MSANTD4: variants seen among roughly 807,000 people sequenced by gnomAD.
MSANTD4 encodes myb/SANT-like DNA-binding domain-containing protein 4.
MSANTD4 carries 13 observed loss-of-function variants against 34.3 expected under a neutral mutation model. The observed-to-expected ratio is 0.38, with a 90% CI of 0.25 to 0.60. The LOEUF is 0.60. MSANTD4 is among the 20% of genes least tolerant of loss of function. The probability of loss-of-function intolerance (pLI) is 0.63; values close to 1 mark genes in which losing one functional copy is unlikely to be tolerated. For missense variants in MSANTD4, 358 were observed against 401.8 expected (o/e 0.89, Z 0.93); for synonymous variants, 137 against 145.2 (o/e 0.94, Z 0.41).
At position 106,008,339 on chromosome 11, in the gene MSANTD4, T is replaced by C. The variant is rs767242315; in HGVS notation, c.*1196A>G. On this transcript the variant is annotated 3_prime_UTR_variant, in exon 3 of 3. Transcript: ENST00000301919. ...GGGAAGGACAAAATATACTACAATA[T>C]AGAAGATCAGCCATTTACTCTGTGT... 3.3e-5 allele frequency: 5 copies of C among 152,274 alleles called. No homozygotes were observed. The highest frequency in any genetic ancestry group is 1.3e-4 in the Admixed American group (2 of 15,274). 9.4% of individuals were successfully genotyped at this position (152,274 alleles called of 1,614,324 possible).
chr11:106,010,631 A>C lies in MSANTD4; in HGVS notation c.287T>G (p.Phe96Cys). 1 of 1,614,108 alleles carries C rather than the reference A, an allele frequency of 6.2e-7. No individual in the cohort carries two copies. The highest frequency in any genetic ancestry group is 8.5e-7 in the Non-Finnish European group (1 of 1,180,008). Residue 96 changes from phenylalanine (F) to cysteine (C), a missense_variant, in exon 2 of 3, where the codon TTT (phenylalanine) becomes TGT (cysteine). By Grantham distance (205) the Phe-to-Cys change is radical. Coordinates refer to ENST00000301919, the MANE Select transcript of MSANTD4 (RefSeq NM_032424.3). ...KANIKLVGSG[F>C]PLPSSDLDDS... ...ATCCAAATCAGAGGAGGGAAGGGGAAATCCTGAACCAACCAGCTTAATGTT... is the reference window on the plus strand; with the variant it reads ...ATCCAAATCAGAGGAGGGAAGGGGACATCCTGAACCAACCAGCTTAATGTT...
At chr11:106,019,169 A>C (rs749785514) in intron 1 of MSANTD4, among the ~76,000 whole-genome samples, 6 of 152,060 alleles carry the variant, frequency 3.9e-5, no homozygotes, top group Non-Finnish European at 8.8e-5. Flanking sequence ...TACTTTCCCA[A>C]TCCACCTTCC....
intron 1 of MSANTD4, among the ~76,000 whole-genome samples, chr11:106,020,519 A>C (rs764211706): frequency 6.6e-6 from 1 of 152,226 alleles, no homozygotes; most frequent in South Asian, 2.1e-4. Flanking sequence ...ATTTATGCAG[A>C]TATCCACCGT....
intron 1 of MSANTD4, among the ~76,000 whole-genome samples, chr11:106,011,885 G>A (rs958580448): frequency 2.6e-5 from 4 of 152,170 alleles, no homozygotes; most frequent in African/African-American, 9.7e-5. Context: ...AAACCAATTT[G>A]AGACAATGTA....
chr11:106,015,346 A>G (rs1038086019), intron 1 of MSANTD4, among the ~76,000 whole-genome samples: 8 of 152,344 alleles, frequency 5.3e-5, no homozygotes, highest in East Asian at 3.9e-4. Context: ...TAGAAATCCT[A>G]TAAGGATTAA....
rs910410553 is a variant in MSANTD4 at position 106,008,327 on chromosome 11, T to C, written c.*1208A>G. 1.3e-5 allele frequency: 2 copies of C among 152,264 alleles called. No individual in the cohort carries two copies. The highest frequency in any genetic ancestry group is 4.8e-5 in the African/African-American group (2 of 41,400). 9.4% of individuals were successfully genotyped at this position (152,264 alleles called of 1,614,324 possible). ...CCTCAGGGAAGAGGGAAGGACAAAATATACTACAATATAGAAGATCAGCCA... is the reference window on the plus strand; with the variant it reads ...CCTCAGGGAAGAGGGAAGGACAAAACATACTACAATATAGAAGATCAGCCA... On this transcript the variant is annotated 3_prime_UTR_variant, in exon 3 of 3. Coordinates refer to ENST00000301919, the MANE Select transcript of MSANTD4 (RefSeq NM_032424.3).
Position 106,009,783 on chromosome 11 carries a change from A to T in MSANTD4, c.790T>A (p.Leu264Met). 1 of 1,614,188 alleles carries T rather than the reference A, an allele frequency of 6.2e-7. No individual in the cohort carries two copies. The highest frequency in any genetic ancestry group is 2.2e-5 in the East Asian group (1 of 44,878). The change falls in exon 3 of 3, where the codon TTG (leucine) becomes ATG (methionine). Residue 264 changes from leucine (L) to methionine (M), a missense_variant. By Grantham distance (15) the Leu-to-Met change is conservative. Coordinates refer to ENST00000301919, the MANE Select transcript of MSANTD4 (RefSeq NM_032424.3). ...KERLQIEREK[L>M]RLQIVNSEKP... is the part of the protein sequence containing the mutation. ...TCTGAATTGACTATCTGTAACCTCA[A>T]CTTTTCTCTTTCAATCTGCAGCCGC...
In MSANTD4 at chr11:106,008,535, C is replaced by G. The variant is rs564175544; in HGVS notation, c.*1000G>C. On this transcript the variant is annotated 3_prime_UTR_variant, in exon 3 of 3. Transcript: ENST00000301919. ...TACGGAGTACATCTTCCCCACCTAC[C>G]CCCTACTCCCAAATGGCTGCTATTA... 1.3e-5 allele frequency: 2 copies of G among 152,144 alleles called. No homozygotes were observed. 9.4% of individuals were successfully genotyped at this position (152,144 alleles called of 1,614,324 possible).
At chr11:106,012,303 C>G (rs576641937) in intron 1 of MSANTD4, among the ~76,000 whole-genome samples, 1 of 152,162 alleles carries the variant, frequency 6.6e-6, no homozygotes, top group Non-Finnish European at 1.5e-5. Context: ...CCTTAAACCA[C>G]CAAACAAAAG....
chr11:106,019,278 T>C (rs925638528), intron 1 of MSANTD4, among the ~76,000 whole-genome samples: 11 of 152,124 alleles, frequency 7.2e-5, no homozygotes, highest in Non-Finnish European at 1.5e-4. Context: ...AATAGAAATG[T>C]AAGAGCCCTA....
intron 1 of MSANTD4, among the ~76,000 whole-genome samples, chr11:106,013,116 A>T (rs900816518): frequency 1.3e-5 from 2 of 152,222 alleles, no homozygotes; most frequent in Non-Finnish European, 2.9e-5. Context: ...ATAGATGTCA[A>T]AAAAGCACTT....
chr11:106,017,771 A>C (rs958796315), intron 1 of MSANTD4, among the ~76,000 whole-genome samples: 1 of 152,222 alleles, frequency 6.6e-6, no homozygotes, highest in Admixed American at 6.5e-5. Flanking sequence ...AAAACAGAGA[A>C]ATGACGTGCA....
At chr11:106,014,293 T>C (rs1301476539) in intron 1 of MSANTD4, among the ~76,000 whole-genome samples, 1 of 152,224 alleles carries the variant, frequency 6.6e-6, no homozygotes, top group Non-Finnish European at 1.5e-5. Flanking sequence ...TTTACTTCTG[T>C]TAGACCTATA....
At chr11:106,018,082 T>G (rs2155344) in intron 1 of MSANTD4, among the ~76,000 whole-genome samples, 113,185 of 151,854 alleles carry the variant, frequency 0.75, 42,254 homozygotes, top group Non-Finnish European at 0.76. Context: ...CAATGTAATC[T>G]ACACACGTAA....
In MSANTD4 at chr11:106,009,807, G is replaced by T; in HGVS notation, c.766C>A (p.Arg256=). 6.2e-7 allele frequency: 1 copy of T among 1,614,124 alleles called. No individual in the cohort carries two copies. Among genetic ancestry groups the T allele is most frequent in the South Asian group, 1.1e-5 (1 of 91,084 alleles). The change falls in exon 3 of 3, where the codon CGG becomes AGG. Residue 256 remains arginine (R), a synonymous_variant. Coordinates refer to ENST00000301919, the MANE Select transcript of MSANTD4 (RefSeq NM_032424.3). ...EHERLQLEKE[R]LQIEREKLRL... ...AACTTTTCTCTTTCAATCTGCAGCCGCTCCTTCTCTAGCTGAAGCCGCTCA... is the reference window on the plus strand; with the variant it reads ...AACTTTTCTCTTTCAATCTGCAGCCTCTCCTTCTCTAGCTGAAGCCGCTCA...
At chr11:106,011,143 T>C in intron 1 of MSANTD4, 76 bp from the exon 2 acceptor site, 2 of 654,274 alleles carry the variant, frequency 3.1e-6, no homozygotes, top group Non-Finnish European at 4.7e-6. Flanking sequence ...AACTATATAA[T>C]TTTTAAGAGA....
rs949094947 is a variant in MSANTD4 at position 106,021,869 on chromosome 11, T to C, written c.-1058A>G. The C allele has an allele frequency of 6.6e-6, 1 of 152,200 alleles. No homozygotes were observed. The highest frequency in any genetic ancestry group is 2.4e-5 in the African/African-American group (1 of 41,386). The allele number at this position is 152,200 out of a possible 1,614,324, so 9.4% of individuals were successfully genotyped here. ...GCCACAATGATGAGGTTGCTGCTGG[T>C]AGGAGTCCCGGTGGGAGTCGGGGCA... is the stretch of plus-strand genomic sequence containing the variant. On this transcript the variant is annotated 5_prime_UTR_variant, in exon 1 of 3. Coordinates refer to ENST00000301919, the MANE Select transcript of MSANTD4 (RefSeq NM_032424.3).
chr11:106,011,601 T>G (rs989073042), intron 1 of MSANTD4, among the ~76,000 whole-genome samples: 1 of 150,014 alleles, frequency 6.7e-6, no homozygotes, highest in Admixed American at 6.7e-5. Flanking sequence ...CTGGATTTTA[T>G]ACTTGTGCTA....
At chr11:106,010,416 A>T in intron 2 of MSANTD4, 40 bp downstream of exon 2, 5 of 1,545,352 alleles carry the variant, frequency 3.2e-6, no homozygotes, top group Non-Finnish European at 4.3e-6. Context: ...CCACATCAGA[A>T]TTGAAAAGAT....
Sources: allele counts gnomAD v4.1 joint callset (sites outside exome capture counted in the v4.1 genomes callset), GRCh38; gene constraint gnomAD v4.1.1; transcripts MANE v1.5; gene names NCBI Gene and HGNC (gene_info 2026-07-23, HGNC 2026-07-21).